Variants in TXNRD1 observed in about 807,000 individuals in gnomAD.
TXNRD1 encodes thioredoxin reductase 1, also known as thioredoxin reductase 1, cytoplasmic.
A neutral mutation model predicts 80.3 loss-of-function variants in TXNRD1; 57 were observed. The observed-to-expected ratio is 0.71, with a 90% CI of 0.57 to 0.89. The LOEUF is 0.89. Among genes scored for constraint, TXNRD1 ranks in the 40% least tolerant of loss-of-function variants. The probability of loss-of-function intolerance (pLI) is 0.00; values close to 1 mark genes in which losing one functional copy is unlikely to be tolerated. For synonymous variants in TXNRD1, 291 were observed against 285.2 expected (o/e 1.02, Z -0.20); for missense variants, 730 against 803.0 (o/e 0.91, Z 1.10).
At position 104,349,187 on chromosome 12, in the gene TXNRD1, T is replaced by C. The variant is rs1260620655; in HGVS notation, c.*766T>C. 1 of 152,246 alleles carries C rather than the reference T, an allele frequency of 6.6e-6. No individual in the cohort carries two copies. Among genetic ancestry groups the C allele is most frequent in the African/African-American group, 2.4e-5 (1 of 41,468 alleles). 9.4% of individuals were successfully genotyped at this position (152,246 alleles called of 1,614,324 possible). ...GTATGATTCTCACCATTATTTGTCA[T>C]GGAGGCAGACATACACCAGAAATGG... On this transcript the variant is annotated 3_prime_UTR_variant, in exon 17 of 17. Coordinates refer to ENST00000525566, the MANE Select transcript of TXNRD1 (RefSeq NM_001093771.3).
intron 3 of TXNRD1, among the ~76,000 whole-genome samples, chr12:104,271,857 G>A (rs536828474): frequency 1.3e-3 from 189 of 145,986 alleles, no homozygotes; most frequent in Non-Finnish European, 1.9e-3. Flanking sequence ...GCAACAGAGC[G>A]AGACTCCATC....
At chr12:104,216,441 A>T (rs1448196364) in intron 1 of TXNRD1, among the ~76,000 whole-genome samples, 3 of 152,106 alleles carry the variant, frequency 2.0e-5, no homozygotes, top group Non-Finnish European at 2.9e-5. Flanking sequence ...TTCTCCCACC[A>T]TCATCCCGCT....
At chr12:104,238,357 A>G (rs2032783397) in intron 1 of TXNRD1, among the ~76,000 whole-genome samples, 1 of 152,252 alleles carries the variant, frequency 6.6e-6, no homozygotes, top group Admixed American at 6.5e-5. Context: ...TGACATGTTC[A>G]CAAATATCAA....
chr12:104,241,937 A>T (rs1353376497), intron 1 of TXNRD1, among the ~76,000 whole-genome samples: 25 of 96,056 alleles, frequency 2.6e-4, no homozygotes, highest in South Asian at 7.5e-4. Context: ...TATACTAATG[A>T]TTTTTTTTTT....
At chr12:104,267,280 T>TTTCTTTCTTTCTTTCTTTCC (rs1466257583) in intron 3 of TXNRD1, among the ~76,000 whole-genome samples, 1 of 148,330 alleles carries the variant, frequency 6.7e-6, no homozygotes, top group Non-Finnish European at 1.5e-5. Context: ...TCTTTCTTTC[T>TTTCTTTCTTTCTTTCTTTCC]TTCCTCTTTC....
chr12:104,332,749 CAA>C lies in TXNRD1; in HGVS notation c.1650+1129_1650+1130del, dbSNP rs34106883. Among the ~76,000 whole-genome samples, 184 of 76,734 alleles carry C rather than the reference CAA, an allele frequency of 2.4e-3. 1 individual carries two copies. Among genetic ancestry groups the C allele is most frequent in the African/African-American group, 3.8e-3 (73 of 19,146 alleles). 50.3% of individuals were successfully genotyped at this position (76,734 alleles called of 152,430 possible). ...GGGCAACAAGAGAGAAACTCCGTCTCAAAAAAAAAAAAAAAAAAAAAAGAATA... is the reference window on the plus strand; with the variant it reads ...GGGCAACAAGAGAGAAACTCCGTCTCAAAAAAAAAAAAAAAAAAAAGAATA... On this transcript the variant is annotated intron_variant, in intron 14 of 16. Transcript: ENST00000525566.
chr12:104,259,577 C>T (rs1455659127), intron 3 of TXNRD1, among the ~76,000 whole-genome samples: 9 of 150,464 alleles, frequency 6.0e-5, no homozygotes, highest in South Asian at 2.1e-4. Context: ...CCGCAACCTC[C>T]GCCTCCCAGG....
intron 15 of TXNRD1, among the ~76,000 whole-genome samples, chr12:104,338,336 T>A (rs1451310917): frequency 1.3e-5 from 2 of 151,802 alleles, no homozygotes; most frequent in Non-Finnish European, 2.9e-5. Flanking sequence ...AACATCATAC[T>A]CTATGTTTTG....
chr12:104,287,194 C>T, intron 3 of TXNRD1: 1 of 1,586,108 alleles, frequency 6.3e-7, no homozygotes, highest in Non-Finnish European at 8.6e-7. Flanking sequence ...GCGGGGACGA[C>T]AGCATTGCGC....
chr12:104,238,279 A>G (rs988723807), intron 1 of TXNRD1, among the ~76,000 whole-genome samples: 1 of 152,242 alleles, frequency 6.6e-6, no homozygotes, highest in Non-Finnish European at 1.5e-5. Context: ...TCTCAAATGC[A>G]GGTTTTTAAT....
chr12:104,217,298 T>A (rs1384038806), intron 1 of TXNRD1, among the ~76,000 whole-genome samples: 10 of 149,090 alleles, frequency 6.7e-5, no homozygotes, highest in South Asian at 4.3e-4. Context: ...AAAAAAAAAA[T>A]TTACCATCTT....
At chr12:104,275,834 TA>T (rs1376476042) in intron 3 of TXNRD1, among the ~76,000 whole-genome samples, 2 of 152,258 alleles carry the variant, frequency 1.3e-5, no homozygotes, top group Non-Finnish European at 2.9e-5. Context: ...TTATAATAAC[TA>T]AGCTATTGAG....
At chr12:104,248,972 G>C (rs567135413) in intron 1 of TXNRD1, among the ~76,000 whole-genome samples, 1 of 152,090 alleles carries the variant, frequency 6.6e-6, no homozygotes, top group Non-Finnish European at 1.5e-5. Flanking sequence ...ATGAGCCACC[G>C]CCCCGGGCCC....
chr12:104,289,106 C>G, intron 4 of TXNRD1, 66 bp downstream of exon 4: 1 of 1,551,546 alleles, frequency 6.4e-7, no homozygotes, highest in Non-Finnish European at 8.8e-7. Context: ...TGGTCACAGC[C>G]TGCCTTTTAA....
At position 104,244,287 on chromosome 12, in the gene TXNRD1, G is replaced by A. The variant is rs577483894; in HGVS notation, c.92-7240G>A. Among the ~76,000 whole-genome samples the A allele has an allele frequency of 1.6e-3, 241 of 152,292 alleles. 1 individual carries two copies. Among genetic ancestry groups the A allele is most frequent in the African/African-American group, 5.4e-3 (223 of 41,554 alleles). ...GTATGAAGATGTTTCTTGAGGAGGA[G>A]TGTCCTGGAGTGGAAGTGTTTTCCT... On this transcript the variant is annotated intron_variant, in intron 1 of 16. Transcript: ENST00000525566.
intron 4 of TXNRD1, chr12:104,304,059 G>C: frequency 6.2e-7 from 1 of 1,613,860 alleles, no homozygotes; most frequent in Non-Finnish European, 8.5e-7. Flanking sequence ...AGCATCCGCA[G>C]GCAGTACCGG....
chr12:104,313,146 A>G (rs1021569241), intron 5 of TXNRD1, 99 bp from the exon 6 acceptor site: 2 of 869,402 alleles, frequency 2.3e-6, no homozygotes, highest in Non-Finnish European at 1.8e-6. Context: ...GTTATGCTTT[A>G]AGCTCTATAG....
intron 3 of TXNRD1, among the ~76,000 whole-genome samples, chr12:104,271,662 A>G (rs552203480): frequency 2.6e-5 from 4 of 152,240 alleles, no homozygotes; most frequent in African/African-American, 9.6e-5. Flanking sequence ...ACAAATCACA[A>G]TGGTGGAATG....
chr12:104,282,356 G>A (rs925833063), intron 3 of TXNRD1, among the ~76,000 whole-genome samples: 6 of 152,198 alleles, frequency 3.9e-5, no homozygotes, highest in Non-Finnish European at 7.3e-5. Context: ...TTGGAGCAAT[G>A]TTTTGTACCC....
Sources: allele counts gnomAD v4.1 joint callset (sites outside exome capture counted in the v4.1 genomes callset), GRCh38; gene constraint gnomAD v4.1.1; transcripts MANE v1.5; gene names NCBI Gene and HGNC (gene_info 2026-07-23, HGNC 2026-07-21).